Variants in TOP6BL observed in about 807,000 individuals in gnomAD.
The protein encoded by TOP6BL is type 2 DNA topoisomerase 6 subunit B-like.
the TOP6BL span, among the ~76,000 whole-genome samples, chr11:66,746,825 A>G: frequency 9.2e-5 from 14 of 152,060 alleles, no homozygotes; most frequent in Middle Eastern, 6.8e-3. Context: ...GCAGTGAACC[A>G]TGATGATGCC....
chr11:66,768,494 A>G, the TOP6BL span, among the ~76,000 whole-genome samples: 1 of 152,078 alleles, frequency 6.6e-6, no homozygotes, highest in Non-Finnish European at 1.5e-5. Context: ...GAAGGGAAAC[A>G]TTTGTAGACT....
chr11:66,775,762 C>T, the TOP6BL span, among the ~76,000 whole-genome samples: 3 of 152,096 alleles, frequency 2.0e-5, no homozygotes, highest in African/African-American at 4.8e-5. Context: ...GTGGGGGAAA[C>T]GAGGACCTGG....
the TOP6BL span, among the ~76,000 whole-genome samples, chr11:66,754,190 A>G: frequency 6.6e-6 from 1 of 152,336 alleles, no homozygotes; most frequent in South Asian, 2.1e-4. Context: ...CATTGTGCTC[A>G]GCACTCAGCA....
the TOP6BL span, among the ~76,000 whole-genome samples, chr11:66,833,381 G>C: frequency 3.3e-5 from 5 of 152,024 alleles, no homozygotes; most frequent in Admixed American, 6.6e-5. Context: ...CCTGTCTTGC[G>C]ATCTGGAATT....
chr11:66,769,235 C>T, the TOP6BL span, among the ~76,000 whole-genome samples: 2 of 151,866 alleles, frequency 1.3e-5, no homozygotes, highest in Non-Finnish European at 2.9e-5. Flanking sequence ...GAAAAATTAC[C>T]TCAAAATGGA....
the TOP6BL span, among the ~76,000 whole-genome samples, chr11:66,770,650 G>A: frequency 1.3e-5 from 2 of 152,172 alleles, no homozygotes; most frequent in Admixed American, 6.5e-5. Context: ...GTTACAGTGA[G>A]CTGAGATCAC....
chr11:66,824,336 C>T, the TOP6BL span, among the ~76,000 whole-genome samples: 1 of 151,522 alleles, frequency 6.6e-6, no homozygotes, highest in Admixed American at 6.6e-5. Context: ...ACCTCCGCCT[C>T]CTGGGTTCAA....
At chr11:66,785,668 C>A in the TOP6BL span, among the ~76,000 whole-genome samples, 2 of 152,000 alleles carry the variant, frequency 1.3e-5, no homozygotes, top group Admixed American at 6.5e-5. Context: ...AGTCCTTTCA[C>A]CACTTACATG....
At chr11:66,843,478 G>T in the TOP6BL span, 2 of 1,464,216 alleles carry the variant, frequency 1.4e-6, no homozygotes, top group Non-Finnish European at 1.8e-6. Context: ...GGCGGGGATG[G>T]GCTGCGACTG....
chr11:66,752,655 G>A, the TOP6BL span, among the ~76,000 whole-genome samples: 52 of 152,042 alleles, frequency 3.4e-4, no homozygotes, highest in Admixed American at 2.4e-3. Context: ...GTTTCATCAT[G>A]TTGGCTCGGC....
At chr11:66,838,343 C>T in the TOP6BL span, 1 of 1,608,352 alleles carries the variant, frequency 6.2e-7, no homozygotes, top group Non-Finnish European at 8.5e-7. Context: ...ACAAAACTCA[C>T]TTAGGACTTC....
At chr11:66,826,251 T>C in the TOP6BL span, among the ~76,000 whole-genome samples, 1 of 152,328 alleles carries the variant, frequency 6.6e-6, no homozygotes, top group African/African-American at 2.4e-5. Context: ...CATTATCTCA[T>C]ATATATTTGT....
At chr11:66,838,825 G>A in the TOP6BL span, among the ~76,000 whole-genome samples, 1 of 152,118 alleles carries the variant, frequency 6.6e-6, no homozygotes, top group African/African-American at 2.4e-5. Context: ...TCCGCCTCCC[G>A]GGTTCACACC....
At chr11:66,801,243 AC>A in the TOP6BL span, 2 of 808,654 alleles carry the variant, frequency 2.5e-6, no homozygotes, top group Non-Finnish European at 3.9e-6. Flanking sequence ...CAGAAGTAAA[AC>A]TTTTTTTTAT....
At chr11:66,833,567 C>T in the TOP6BL span, among the ~76,000 whole-genome samples, 1,373 of 152,110 alleles carry the variant, frequency 9.0e-3, 24 homozygotes, top group African/African-American at 0.031. Context: ...AGGATATAAG[C>T]GCAGAGGGAC....
At chr11:66,833,740 G>C in the TOP6BL span, among the ~76,000 whole-genome samples, 1 of 152,036 alleles carries the variant, frequency 6.6e-6, no homozygotes, top group Non-Finnish European at 1.5e-5. Context: ...TTGAGGTCAG[G>C]AGTTTGAAAC....
At chr11:66,766,334 G>T in the TOP6BL span, among the ~76,000 whole-genome samples, 3 of 151,968 alleles carry the variant, frequency 2.0e-5, no homozygotes, top group Non-Finnish European at 1.5e-5. Flanking sequence ...TACCAAATAG[G>T]CTCATATTTC....
At chr11:66,827,126 C>A in the TOP6BL span, among the ~76,000 whole-genome samples, 4 of 152,132 alleles carry the variant, frequency 2.6e-5, no homozygotes, top group African/African-American at 9.7e-5. Context: ...GGATTACAGG[C>A]ATGTGCCACC....
the TOP6BL span, among the ~76,000 whole-genome samples, chr11:66,806,442 A>G: frequency 5.7e-4 from 87 of 152,152 alleles, no homozygotes; most frequent in Admixed American, 9.8e-4. Flanking sequence ...GATTGAAGCT[A>G]TAGGAGTAAA....
Sources: allele counts gnomAD v4.1 joint callset (sites outside exome capture counted in the v4.1 genomes callset), GRCh38; gene constraint gnomAD v4.1.1; transcripts MANE v1.5; gene names NCBI Gene and HGNC (gene_info 2026-07-23, HGNC 2026-07-21).